Variants in LPAR1 observed in about 807,000 individuals in gnomAD.
LPAR1 encodes the protein LPA receptor 1.
LPAR1 carries 5 observed loss-of-function variants against 23.8 expected under a neutral mutation model. The observed-to-expected ratio is 0.21, with a 90% CI of 0.11 to 0.44. LPAR1 has a LOEUF of 0.44. Ranked by LOEUF, LPAR1 falls within the 20% of genes least tolerant of loss-of-function variation. LPAR1 has a pLI of 0.99. For missense variants in LPAR1, 311 were observed against 482.8 expected (o/e 0.64, Z 3.33); for synonymous variants, 160 against 164.7 (o/e 0.97, Z 0.22).
chr9:110,887,676 ATAC>A (rs1260283198), intron 5 of LPAR1, among the ~76,000 whole-genome samples: 2 of 152,234 alleles, frequency 1.3e-5, no homozygotes, highest in Non-Finnish European at 2.9e-5. Context: ...AATCATAAAC[ATAC>A]TTTTTTCTAC....
At chr9:110,926,200 G>A (rs751802903) in intron 5 of LPAR1, among the ~76,000 whole-genome samples, 32 of 152,220 alleles carry the variant, frequency 2.1e-4, no homozygotes, top group Non-Finnish European at 4.3e-4. Flanking sequence ...GATTACAGGC[G>A]TGAGCCACCA....
At chr9:111,034,160 T>C (rs2097851049) in intron 2 of LPAR1, among the ~76,000 whole-genome samples, 1 of 152,266 alleles carries the variant, frequency 6.6e-6, no homozygotes, top group African/African-American at 2.4e-5. Context: ...CATCTCTCAC[T>C]GCAGTACCGA....
chr9:110,929,222 T>TC lies in LPAR1; in HGVS notation c.793+12198_793+12199insG, dbSNP rs1214504434. Among the ~76,000 whole-genome samples the TC allele has an allele frequency of 3.3e-5, 5 of 152,178 alleles. No individual in the cohort carries two copies. The East Asian group carries it at 9.6e-4, about 29-fold the overall frequency. ...TGCAGGAGCCCTGCCAGGGTTTAAG[T>TC]AAAGCCATGACCACATTCAGTCTAG... is the stretch of plus-strand genomic sequence containing the variant. On this transcript the variant is annotated intron_variant, in intron 5 of 5. Transcript: ENST00000683809.
chr9:110,932,973 T>C (rs976326604), intron 5 of LPAR1, among the ~76,000 whole-genome samples: 2 of 152,232 alleles, frequency 1.3e-5, no homozygotes, highest in Non-Finnish European at 2.9e-5. Context: ...GACTTTCTTA[T>C]AGACATTGAC....
At chr9:110,894,513 C>T (rs1036373605) in intron 5 of LPAR1, among the ~76,000 whole-genome samples, 2 of 152,176 alleles carry the variant, frequency 1.3e-5, no homozygotes, top group Non-Finnish European at 2.9e-5. Flanking sequence ...AAGGATAAGC[C>T]TCCAAGAAAT....
intron 1 of LPAR1, among the ~76,000 whole-genome samples, chr9:111,036,637 C>A (rs1260827415): frequency 6.6e-6 from 1 of 152,130 alleles, no homozygotes; most frequent in African/African-American, 2.4e-5. Flanking sequence ...TGAGCTGACC[C>A]GACTGGCTGA....
chr9:110,979,582 G>A (rs2096626883), intron 2 of LPAR1, among the ~76,000 whole-genome samples: 1 of 151,936 alleles, frequency 6.6e-6, no homozygotes, highest in South Asian at 2.1e-4. Context: ...TTAACTGTAA[G>A]GATATTAAAA....
intron 4 of LPAR1, among the ~76,000 whole-genome samples, chr9:110,946,819 C>T (rs1039403359): frequency 1.3e-5 from 2 of 151,942 alleles, no homozygotes; most frequent in African/African-American, 2.4e-5. Context: ...GAAGCTATAC[C>T]TATTAATAAA....
chr9:110,920,581 T>C (rs2093557243), intron 5 of LPAR1, among the ~76,000 whole-genome samples: 1 of 152,224 alleles, frequency 6.6e-6, no homozygotes, highest in East Asian at 1.9e-4. Context: ...CCCTTCCTCT[T>C]TTGTTTTTAC....
At chr9:111,003,523 C>T (rs1459110836) in intron 2 of LPAR1, among the ~76,000 whole-genome samples, 1 of 152,186 alleles carries the variant, frequency 6.6e-6, no homozygotes, top group Non-Finnish European at 1.5e-5. Context: ...GTTACAAACA[C>T]ATAGGCATCC....
chr9:110,964,189 CACT>C (rs2096110389), intron 4 of LPAR1, among the ~76,000 whole-genome samples: 1 of 152,106 alleles, frequency 6.6e-6, no homozygotes, highest in African/African-American at 2.4e-5. Flanking sequence ...TCTGTTTTCT[CACT>C]TAGAAAATAA....
chr9:110,915,475 G>A (rs56302512), intron 5 of LPAR1, among the ~76,000 whole-genome samples: 25,038 of 152,202 alleles, frequency 0.16, 2,626 homozygotes, highest in Admixed American at 0.24. Flanking sequence ...GAACCTGGGA[G>A]GTGGAGGTTG....
At chr9:111,026,107 A>G (rs2097686692) in intron 2 of LPAR1, among the ~76,000 whole-genome samples, 1 of 152,098 alleles carries the variant, frequency 6.6e-6, no homozygotes, top group Non-Finnish European at 1.5e-5. Context: ...GAATCTATAA[A>G]CTACTTTGGG....
intron 4 of LPAR1, among the ~76,000 whole-genome samples, chr9:110,952,759 T>G (rs1452961532): frequency 6.6e-6 from 1 of 151,962 alleles, no homozygotes; most frequent in Admixed American, 6.6e-5. Flanking sequence ...CCACCAAGCA[T>G]TCCACTGCAG....
At chr9:110,933,042 T>C (rs558008799) in intron 5 of LPAR1, among the ~76,000 whole-genome samples, 3 of 152,318 alleles carry the variant, frequency 2.0e-5, no homozygotes, top group Admixed American at 1.3e-4. Context: ...TAACCAACTC[T>C]GAAGAGTCAG....
intron 5 of LPAR1, among the ~76,000 whole-genome samples, chr9:110,905,133 C>T (rs2090771101): frequency 6.6e-6 from 1 of 152,138 alleles, no homozygotes; most frequent in Non-Finnish European, 1.5e-5. Context: ...ATCCTTGGAA[C>T]TAAAGGAACT....
chr9:110,935,801 A>C (rs1384284547), intron 5 of LPAR1, among the ~76,000 whole-genome samples: 2 of 152,226 alleles, frequency 1.3e-5, no homozygotes, highest in Non-Finnish European at 2.9e-5. Context: ...GACTCTGCCT[A>C]TAAGGAATTG....
intron 2 of LPAR1, among the ~76,000 whole-genome samples, chr9:110,987,517 T>C (rs960310369): frequency 6.6e-6 from 1 of 151,754 alleles, no homozygotes; most frequent in African/African-American, 2.4e-5. Flanking sequence ...ATTTGAGTAA[T>C]AAAACTCCAG....
At chr9:111,013,044 G>A (rs201692596) in intron 2 of LPAR1, among the ~76,000 whole-genome samples, 1 of 152,022 alleles carries the variant, frequency 6.6e-6, no homozygotes, top group East Asian at 1.9e-4. Flanking sequence ...CATGAAAATC[G>A]CTGATATCTG....
Sources: allele counts gnomAD v4.1 joint callset (sites outside exome capture counted in the v4.1 genomes callset), GRCh38; gene constraint gnomAD v4.1.1; transcripts MANE v1.5; gene names NCBI Gene and HGNC (gene_info 2026-07-23, HGNC 2026-07-21).